Variants in PRKN observed in about 807,000 individuals in gnomAD.
The protein encoded by PRKN is E3 ubiquitin-protein ligase parkin.
A neutral mutation model predicts 59.5 loss-of-function variants in PRKN; 56 were observed. That is an observed-to-expected ratio of 0.94 (90% confidence interval 0.76 to 1.18). PRKN has a LOEUF of 1.18. Among genes scored for constraint, PRKN ranks in the 50% most tolerant of loss-of-function variants. The pLI is 0.00. For synonymous variants in PRKN, 250 were observed against 222.1 expected, an observed-to-expected ratio of 1.13 and a Z score of -1.12; for missense variants, 657 against 596.4, an observed-to-expected ratio of 1.10 and a Z score of -1.06.
At chr6:161,679,042 A>C (rs562414485) in intron 7 of PRKN, among the ~76,000 whole-genome samples, 67 of 152,256 alleles carry the variant, frequency 4.4e-4, no homozygotes, top group African/African-American at 1.6e-3. Flanking sequence ...ACATGTCTCT[A>C]AACATAGTAT....
chr6:162,102,436 T>G (rs185970401), intron 4 of PRKN, among the ~76,000 whole-genome samples: 2 of 152,298 alleles, frequency 1.3e-5, no homozygotes. Flanking sequence ...TCTATCTAGT[T>G]AGGTTAATCT....
chr6:161,387,168 T>C (rs577569142), intron 9 of PRKN, among the ~76,000 whole-genome samples: 3 of 152,146 alleles, frequency 2.0e-5, no homozygotes, highest in Non-Finnish European at 4.4e-5. Context: ...TTTGGCTGTG[T>C]CCCCACCCAA....
In PRKN at chr6:161,347,912, G is replaced by A. The variant is rs116309008; in HGVS notation, c.*2187C>T. ...ATTACAGGCATGAGCCACCGCGCCC[G>A]GCCTGCTCTAACTTATTTTAAGAAT... On this transcript the variant is annotated 3_prime_UTR_variant, in exon 12 of 12. Transcript: ENST00000366898. 1,024 of 162,120 alleles carry A rather than the reference G, an allele frequency of 6.3e-3. 9 individuals are homozygous for A. The highest frequency in any genetic ancestry group is 0.023 in the African/African-American group (940 of 41,702). 10.0% of individuals were successfully genotyped at this position (162,120 alleles called of 1,614,324 possible). A position where few individuals can be genotyped will look rare whatever the true frequency, so the allele number is the denominator to read the frequency against.
Position 161,533,644 on chromosome 6 carries a change from G to A in PRKN, c.1083+15210C>T, listed in dbSNP as rs894515875. 7.9e-5 allele frequency among the ~76,000 whole-genome samples: 12 copies of A among 152,128 alleles called. No individual in the cohort carries two copies. The highest frequency in any genetic ancestry group is 2.2e-4 in the African/African-American group (9 of 41,422). On this transcript the variant is annotated intron_variant, in intron 9 of 11. Coordinates refer to ENST00000366898, the MANE Select transcript of PRKN (RefSeq NM_004562.3). The surrounding 1 kb of genome is among the most constrained non-coding windows in gnomAD (Gnocchi z 4.1). The stretch of plus-strand genomic sequence containing the variant: ...GGTCAAACCAATCTGTGAGCCCTAC[G>A]TAAATCAGACACTGCCTCCTCAAGC...
intron 1 of PRKN, among the ~76,000 whole-genome samples, chr6:162,658,289 C>T (rs1437466859): frequency 6.6e-6 from 1 of 152,150 alleles, no homozygotes; most frequent in Non-Finnish European, 1.5e-5. Context: ...TAATAAAATG[C>T]TTGTGAAGAG....
intron 9 of PRKN, among the ~76,000 whole-genome samples, chr6:161,541,775 C>T (rs1225713083): frequency 2.0e-5 from 3 of 151,848 alleles, no homozygotes; most frequent in African/African-American, 4.8e-5. Flanking sequence ...GAGCCGAGAT[C>T]ATGCCACTGC....
rs60810420 is a variant in PRKN, at chr6:162,419,778, AGACAGGGACAGG to A, written c.171+23520_171+23531del. Among the ~76,000 whole-genome samples, 342 of 151,044 alleles carry A rather than the reference AGACAGGGACAGG, an allele frequency of 2.3e-3. 1 individual carries two copies. Among genetic ancestry groups the A allele is most frequent in the Non-Finnish European group, 4.2e-3 (286 of 67,764 alleles). ...GACACAGAGATAGAGACAGAGCCAG[AGACAGGGACAGG>A]GACAGGGACAGGGACAGAGAAAGAG... On this transcript the variant is annotated intron_variant, in intron 2 of 11. Coordinates refer to ENST00000366898, the MANE Select transcript of PRKN (RefSeq NM_004562.3).
At chr6:162,378,444 G>GGCCT (rs1786243256) in intron 2 of PRKN, among the ~76,000 whole-genome samples, 1 of 152,182 alleles carries the variant, frequency 6.6e-6, no homozygotes, top group South Asian at 2.1e-4. Context: ...GGCCCCTGGG[G>GGCCT]GCCTGAACAC....
intron 1 of PRKN, among the ~76,000 whole-genome samples, chr6:162,637,150 G>A (rs1408376111): frequency 6.6e-6 from 1 of 151,432 alleles, no homozygotes; most frequent in Non-Finnish European, 1.5e-5. Context: ...CCAGCTACTC[G>A]GGAGGCTGAG....
In PRKN at chr6:162,239,585, A is replaced by G. The variant is rs529649722; in HGVS notation, c.412+22940T>C. ...TTCGTGGGAGTTGAGGAGCGTCTCAACTGCATGTCAGGAGAACCCATGAAA... is the reference window on the plus strand; with the variant it reads ...TTCGTGGGAGTTGAGGAGCGTCTCAGCTGCATGTCAGGAGAACCCATGAAA... On this transcript the variant is annotated intron_variant, in intron 3 of 11. Transcript: ENST00000366898. Among the ~76,000 whole-genome samples, 5 of 152,132 alleles carry G rather than the reference A, an allele frequency of 3.3e-5. 1 individual carries two copies. In the South Asian group the frequency reaches 1.0e-3, roughly 32 times the overall value.
At chr6:161,892,725 C>T (rs779321685) in intron 6 of PRKN, among the ~76,000 whole-genome samples, 7 of 152,020 alleles carry the variant, frequency 4.6e-5, no homozygotes, top group Non-Finnish European at 1.0e-4. Flanking sequence ...GGTGACAGAG[C>T]AATATCCTAT....
Position 161,919,663 on chromosome 6 carries a change from C to A in PRKN, c.734+53639G>T, listed in dbSNP as rs371285672. Among the ~76,000 whole-genome samples, 10 of 152,300 alleles carry A rather than the reference C, an allele frequency of 6.6e-5. No individual in the cohort carries two copies. In the South Asian group the frequency reaches 1.9e-3, roughly 28 times the overall value. Reference sequence around the variant, plus strand: ...AGTGCTGGAAATACAAATAGGTTCACAATTTAAAGGGGCAGCTGGAGCCTC... The same window carrying A: ...AGTGCTGGAAATACAAATAGGTTCAAAATTTAAAGGGGCAGCTGGAGCCTC... On this transcript the variant is annotated intron_variant, in intron 6 of 11. Coordinates refer to ENST00000366898, the MANE Select transcript of PRKN (RefSeq NM_004562.3).
intron 4 of PRKN, among the ~76,000 whole-genome samples, chr6:162,085,129 G>GA (rs1272669543): frequency 6.8e-6 from 1 of 147,326 alleles, no homozygotes; most frequent in Non-Finnish European, 1.5e-5. Flanking sequence ...GTCTTAAGAG[G>GA]AAAAACCCAA....
chr6:162,157,086 T>C (rs1245794699), intron 4 of PRKN, among the ~76,000 whole-genome samples: 1 of 152,134 alleles, frequency 6.6e-6, no homozygotes, highest in Non-Finnish European at 1.5e-5. Flanking sequence ...TGATACATTT[T>C]AATCTGGTTA....
intron 7 of PRKN, among the ~76,000 whole-genome samples, chr6:161,607,455 C>A (rs1254010119): frequency 6.6e-6 from 1 of 152,058 alleles, no homozygotes; most frequent in Admixed American, 6.6e-5. Flanking sequence ...CACTCAACTA[C>A]AATCAATTTC....
intron 7 of PRKN, among the ~76,000 whole-genome samples, chr6:161,619,685 T>G (rs1260877459): frequency 6.6e-6 from 1 of 152,160 alleles, no homozygotes; most frequent in East Asian, 1.9e-4. Context: ...AATTGGGGTC[T>G]CTGAGACAGC....
intron 2 of PRKN, among the ~76,000 whole-genome samples, chr6:162,349,721 G>T (rs1784546879): frequency 6.6e-6 from 1 of 152,158 alleles, no homozygotes; most frequent in South Asian, 2.1e-4. Flanking sequence ...GAGAATCTAT[G>T]GAGGACCTAC....
intron 1 of PRKN, among the ~76,000 whole-genome samples, chr6:162,449,719 T>C (rs1013826602): frequency 2.6e-5 from 4 of 152,186 alleles, no homozygotes; most frequent in Non-Finnish European, 4.4e-5. Context: ...GGAAGCCTCA[T>C]TTCATCTCCC....
chr6:161,811,914 T>C (rs941726510), intron 6 of PRKN, among the ~76,000 whole-genome samples: 1 of 151,402 alleles, frequency 6.6e-6, no homozygotes, highest in Non-Finnish European at 1.5e-5. Flanking sequence ...AGAGCAAGAC[T>C]CTGTCTCAAA....
Sources: gnomAD v4.1 joint callset for allele counts (sites outside exome capture counted in the v4.1 genomes callset) on GRCh38, gnomAD v4.1.1 for gene constraint, Gnocchi (gnomAD v3.1) non-coding constraint, MANE v1.5 for transcripts, NCBI Gene and HGNC (gene_info 2026-07-23, HGNC 2026-07-21) for gene names.